Variants in ACVR2B observed in about 807,000 individuals in gnomAD.
ACVR2B encodes activin A receptor type 2B, also known as activin receptor type-2B.
ACVR2B carries 18 observed loss-of-function variants against 65.1 expected under a neutral mutation model. That is an observed-to-expected ratio of 0.28 (90% confidence interval 0.19 to 0.41). ACVR2B has a LOEUF of 0.41. ACVR2B is among the 10% of genes least tolerant of loss of function. The pLI, the probability that ACVR2B is intolerant of heterozygous loss-of-function variation, is 1.00. For missense variants in ACVR2B, 482 were observed against 682.7 expected (o/e 0.71, Z 3.28); for synonymous variants, 298 against 277.7 (o/e 1.07, Z -0.73).
Position 38,491,710 on chromosome 3 carries a change from AT to A in ACVR2B, c.*8379del, listed in dbSNP as rs2059811736. On this transcript the variant is annotated 3_prime_UTR_variant, in exon 11 of 11. Coordinates refer to ENST00000352511, the MANE Select transcript of ACVR2B (RefSeq NM_001106.4). ...ATTCTTCAGGAGACCTCATCTGAAA[AT>A]GTTAAGACTGCCAGTGAGGGAAGGA... is the stretch of plus-strand genomic sequence containing the variant. 1 of 152,224 alleles carries A rather than the reference AT, an allele frequency of 6.6e-6. No individual in the cohort carries two copies. Among genetic ancestry groups the A allele is most frequent in the Non-Finnish European group, 1.5e-5 (1 of 68,030 alleles). 9.4% of individuals were successfully genotyped at this position (152,224 alleles called of 1,614,324 possible).
Position 38,484,551 on chromosome 3 carries a change from T to C in ACVR2B, c.*1219T>C, listed in dbSNP as rs1710081790. 6.6e-6 allele frequency: 1 copy of C among 152,330 alleles called. No homozygotes were observed. The highest frequency in any genetic ancestry group is 2.4e-5 in the African/African-American group (1 of 41,462). 9.4% of individuals were successfully genotyped at this position (152,330 alleles called of 1,614,324 possible). On this transcript the variant is annotated 3_prime_UTR_variant, in exon 11 of 11. Coordinates refer to ENST00000352511, the MANE Select transcript of ACVR2B (RefSeq NM_001106.4). ...TCCAGACCCCTTAAAGTGGTACATA[T>C]TCTAAAAAACTGTTTTTCTATTATG...
intron 1 of ACVR2B, among the ~76,000 whole-genome samples, chr3:38,463,156 G>A (rs1266105260): frequency 6.6e-6 from 1 of 152,138 alleles, no homozygotes; most frequent in East Asian, 1.9e-4. Flanking sequence ...GATGAGGGAG[G>A]TAGCACTGGA....
chr3:38,454,581 C>T (rs904097944), intron 1 of ACVR2B: 31 of 386,532 alleles, frequency 8.0e-5, no homozygotes, highest in African/African-American at 5.9e-4. Flanking sequence ...GTGCAGTCAT[C>T]TGCGGGATTC....
chr3:38,477,360 C>G lies in ACVR2B; in HGVS notation c.126C>G (p.Asn42Lys). ...CCAACTGGGAGCTGGAGCGCACCAA[C>G]CAGAGCGGCCTGGAGCGCTGCGAAG... is the stretch of plus-strand genomic sequence containing the variant. ...YNANWELERT[N>K]QSGLERCEGE... Residue 42 changes from asparagine (N) to lysine (K), a missense_variant, in exon 2 of 11, where the codon AAC becomes AAG. Physicochemically the swap from Asn to Lys is moderately conservative, Grantham distance 94. Transcript: ENST00000352511. This position sits in a 1 kb window ranked among gnomAD's most constrained non-coding sequence, Gnocchi z 6.7. The G allele has an allele frequency of 6.2e-7, 1 of 1,614,170 alleles. No individual in the cohort carries two copies. Among genetic ancestry groups the G allele is most frequent in the Non-Finnish European group, 8.5e-7 (1 of 1,180,010 alleles).
At chr3:38,482,653 C>A in intron 10 of ACVR2B, 93 bp downstream of exon 10, 1 of 1,536,794 alleles carries the variant, frequency 6.5e-7, no homozygotes, top group Non-Finnish European at 8.8e-7. Flanking sequence ...GGGGAATGGG[C>A]AAATAGAAAG....
In ACVR2B at chr3:38,483,346, G is replaced by A. The variant is rs371443869; in HGVS notation, c.*14G>A. ...TCAAGCATCTAAGCCCAGGACATGAGTGTCTGTCCAGACTCAGTGGATCTG... is the reference window on the plus strand; with the variant it reads ...TCAAGCATCTAAGCCCAGGACATGAATGTCTGTCCAGACTCAGTGGATCTG... On this transcript the variant is annotated 3_prime_UTR_variant, in exon 11 of 11. Transcript: ENST00000352511. This position sits in a 1 kb window ranked among gnomAD's most constrained non-coding sequence, Gnocchi z 4.8. The A allele has an allele frequency of 1.4e-4, 225 of 1,613,976 alleles. No homozygotes were observed. The highest frequency in any genetic ancestry group is 6.6e-4 in the Middle Eastern group (4 of 6,062).
At chr3:38,457,198 G>A (rs1326033419) in intron 1 of ACVR2B, among the ~76,000 whole-genome samples, 3 of 119,692 alleles carry the variant, frequency 2.5e-5, no homozygotes, top group Non-Finnish European at 6.4e-5. Flanking sequence ...GTGAGGCTCC[G>A]TCTCAAAAAA....
At chr3:38,454,510 G>A (rs1575574884) in intron 1 of ACVR2B, 136 bp downstream of exon 1, 5 of 811,038 alleles carry the variant, frequency 6.2e-6, no homozygotes, top group Non-Finnish European at 8.1e-6. Context: ...CACCTCCGGG[G>A]GCGTGGGCTG....
At chr3:38,462,402 G>GC (rs1361158396) in intron 1 of ACVR2B, among the ~76,000 whole-genome samples, 5 of 152,156 alleles carry the variant, frequency 3.3e-5, no homozygotes, top group South Asian at 2.1e-4. Flanking sequence ...AAATTTTCCA[G>GC]CCCCCCATCC....
At chr3:38,456,363 A>T (rs1195712708) in intron 1 of ACVR2B, among the ~76,000 whole-genome samples, 1 of 152,222 alleles carries the variant, frequency 6.6e-6, no homozygotes, top group East Asian at 1.9e-4. Flanking sequence ...TGCTGTTTGG[A>T]ATAACCCCCA....
At chr3:38,459,374 A>C (rs1354920236) in intron 1 of ACVR2B, among the ~76,000 whole-genome samples, 1 of 152,104 alleles carries the variant, frequency 6.6e-6, no homozygotes, top group Non-Finnish European at 1.5e-5. Context: ...GCCTGCCCGC[A>C]CCCGCCCACT....
At chr3:38,462,680 C>T (rs1276890492) in intron 1 of ACVR2B, among the ~76,000 whole-genome samples, 1 of 152,162 alleles carries the variant, frequency 6.6e-6, no homozygotes, top group Non-Finnish European at 1.5e-5. Context: ...TTTTTAATAA[C>T]TACGTAATAT....
chr3:38,455,568 C>T (rs1709534578), intron 1 of ACVR2B, among the ~76,000 whole-genome samples: 1 of 151,682 alleles, frequency 6.6e-6, no homozygotes, highest in African/African-American at 2.4e-5. Flanking sequence ...TCTACCTTCT[C>T]CTGTGCGTCG....
intron 1 of ACVR2B, chr3:38,459,514 C>T: frequency 1.1e-6 from 1 of 900,100 alleles, no homozygotes; most frequent in Non-Finnish European, 1.3e-6. Context: ...CTGGGGGCCT[C>T]AGGAGCTAAG....
At chr3:38,458,036 C>T (rs1709579776) in intron 1 of ACVR2B, among the ~76,000 whole-genome samples, 1 of 152,130 alleles carries the variant, frequency 6.6e-6, no homozygotes, top group Non-Finnish European at 1.5e-5. Flanking sequence ...CTCTTAGGGG[C>T]CCTTTCAAGG....
chr3:38,481,880 C>G lies in ACVR2B; in HGVS notation c.1075-318C>G, dbSNP rs1021415524. On this transcript the variant is annotated intron_variant, in intron 8 of 10. Coordinates refer to ENST00000352511, the MANE Select transcript of ACVR2B (RefSeq NM_001106.4). The surrounding 1 kb of genome is among the most constrained non-coding windows in gnomAD (Gnocchi z 4.7). ...TTATTATTTTTTAAGTGTTCTCCTTCCCTCTTTGTTTTTGGTCTTAATCTC... is the reference window on the plus strand; with the variant it reads ...TTATTATTTTTTAAGTGTTCTCCTTGCCTCTTTGTTTTTGGTCTTAATCTC... Among the ~76,000 whole-genome samples the G allele has an allele frequency of 5.9e-5, 9 of 152,316 alleles. No homozygotes were observed. Among genetic ancestry groups the G allele is most frequent in the Non-Finnish European group, 1.0e-4 (7 of 68,034 alleles).
At chr3:38,478,001 A>G (rs1709942337) in intron 3 of ACVR2B, 31 bp downstream of exon 3, 2 of 1,611,258 alleles carry the variant, frequency 1.2e-6, no homozygotes, top group African/African-American at 1.3e-5. Flanking sequence ...TGGGGCCTTG[A>G]GTCAGCCGAC....
Position 38,482,549 on chromosome 3 carries a change from T to C in ACVR2B, c.1333T>C (p.Leu445=). 6.2e-7 allele frequency: 1 copy of C among 1,610,778 alleles called. No individual in the cohort carries two copies. ...GAGGCCCACCATTAAAGATCACTGG[T>C]TGAAACACCCGGTAAGGGGCCTGGT... ...KMRPTIKDHW[L]KHPGLAQLCV... The change falls in exon 10 of 11, where the codon TTG becomes CTG. Residue 445 remains leucine, a synonymous_variant. Transcript: ENST00000352511.
rs779523715 is a variant in ACVR2B at position 38,477,255 on chromosome 3, T to C, written c.53-32T>C. On this transcript the variant is annotated intron_variant, in intron 1 of 10. Coordinates refer to ENST00000352511, the MANE Select transcript of ACVR2B (RefSeq NM_001106.4). This position sits in a 1 kb window ranked among gnomAD's most constrained non-coding sequence, Gnocchi z 6.7. ...GGTTTGGGTGGTGGTCCCAGGGGCATGCTCAGTGGTTCTCTTTTCTCTGGG... is the reference window on the plus strand; with the variant it reads ...GGTTTGGGTGGTGGTCCCAGGGGCACGCTCAGTGGTTCTCTTTTCTCTGGG... 2 of 1,612,496 alleles carry C rather than the reference T, an allele frequency of 1.2e-6. No homozygotes were observed. Among genetic ancestry groups the C allele is most frequent in the Non-Finnish European group, 1.7e-6 (2 of 1,179,082 alleles).
Sources: gnomAD v4.1 joint callset for allele counts (sites outside exome capture counted in the v4.1 genomes callset) on GRCh38, gnomAD v4.1.1 for gene constraint, Gnocchi (gnomAD v3.1) non-coding constraint, MANE v1.5 for transcripts, NCBI Gene and HGNC (gene_info 2026-07-23, HGNC 2026-07-21) for gene names.